ZNF568: variants seen among roughly 807,000 people sequenced by gnomAD.
The protein encoded by ZNF568 is p53 inhibitor of SCO2 activation.
A neutral mutation model predicts 18.1 loss-of-function variants in ZNF568; 11 were observed. The observed-to-expected ratio is 0.61, with a 90% CI of 0.38 to 1.00. ZNF568 has a LOEUF of 1.00. Among genes scored for constraint, ZNF568 ranks in the 50% least tolerant of loss-of-function variants. The probability of loss-of-function intolerance (pLI) is 0.01; values close to 1 mark genes in which losing one functional copy is unlikely to be tolerated. For missense variants in ZNF568, 639 were observed against 768.2 expected, an observed-to-expected ratio of 0.83 and a Z score of 1.99; for synonymous variants, 213 against 246.6, an observed-to-expected ratio of 0.86 and a Z score of 1.28.
At chr19:36,954,715 C>T (rs1057493002), downstream of ZNF568, among the ~76,000 whole-genome samples, 3 of 151,402 alleles carry the variant, frequency 2.0e-5, no homozygotes, top group Non-Finnish European at 4.4e-5. Flanking sequence ...ACCACAGGTG[C>T]GTGCCACCAT....
At chr19:36,995,725 G>T (rs1007038758) in intron 4 of ZNF568, among the ~76,000 whole-genome samples, 1 of 151,312 alleles carries the variant, frequency 6.6e-6, no homozygotes, top group Non-Finnish European at 1.5e-5. Flanking sequence ...CTTAGTGGTC[G>T]CCTTCAAGAT....
At chr19:36,959,884 T>C (rs143200808) in intron 6 of ZNF568, among the ~76,000 whole-genome samples, 209 of 152,222 alleles carry the variant, frequency 1.4e-3, no homozygotes, top group African/African-American at 4.8e-3. Context: ...TATTTGGGTA[T>C]TCTCTCTTCT....
intron 3 of ZNF568, among the ~76,000 whole-genome samples, chr19:36,924,101 G>C (rs1224013583): frequency 6.6e-6 from 1 of 152,006 alleles, no homozygotes; most frequent in African/African-American, 2.4e-5. Flanking sequence ...GAATTTTTTA[G>C]GGTAAAAAAT....
chr19:36,951,170 G>T lies in ZNF568; in HGVS notation c.*82G>T, dbSNP rs1054276712. ...GCTCAAAAAAGCCAGGATCTTTATGGAAAAATTTTAATACTTTGTTAAAAG... is the reference window on the plus strand; with the variant it reads ...GCTCAAAAAAGCCAGGATCTTTATGTAAAAATTTTAATACTTTGTTAAAAG... On this transcript the variant is annotated 3_prime_UTR_variant, in exon 7 of 7. Coordinates refer to ENST00000333987, the MANE Select transcript of ZNF568 (RefSeq NM_198539.4). 16 of 1,369,880 alleles carry T rather than the reference G, an allele frequency of 1.2e-5. No homozygotes were observed. The African/African-American group carries it at 1.9e-4, about 16-fold the overall frequency. 84.9% of individuals were successfully genotyped at this position (1,369,880 alleles called of 1,614,324 possible).
At chr19:36,931,743 T>C (rs1187191920) in intron 4 of ZNF568, 1 of 152,178 alleles carries the variant, frequency 6.6e-6, no homozygotes, top group East Asian at 1.9e-4. Context: ...AACATATAAG[T>C]CACATACTAT....
chr19:36,997,701 A>G (rs372269638), downstream of ZNF568: 26 of 866,972 alleles, frequency 3.0e-5, no homozygotes, highest in Non-Finnish European at 4.5e-5. Flanking sequence ...GAATTCATTC[A>G]GGACAGAGGA....
At chr19:36,937,731 C>G (rs2073814370) in intron 6 of ZNF568, among the ~76,000 whole-genome samples, 1 of 152,120 alleles carries the variant, frequency 6.6e-6, no homozygotes, top group South Asian at 2.1e-4. Flanking sequence ...TGCTTCACAA[C>G]CCTCACAATC....
At chr19:36,968,743 T>C (rs1258150472) in intron 6 of ZNF568, among the ~76,000 whole-genome samples, 2 of 151,692 alleles carry the variant, frequency 1.3e-5, no homozygotes, top group Non-Finnish European at 2.9e-5. Context: ...AAAACATGTT[T>C]AGTACTGAAG....
intron 4 of ZNF568, among the ~76,000 whole-genome samples, chr19:36,932,310 C>T (rs552055035): frequency 3.3e-5 from 5 of 152,224 alleles, no homozygotes; most frequent in Middle Eastern, 3.4e-3. Flanking sequence ...CACTGTTAGC[C>T]GAGTGCAATG....
intron 6 of ZNF568, among the ~76,000 whole-genome samples, chr19:36,945,078 A>G (rs779779588): frequency 6.6e-6 from 1 of 151,854 alleles, no homozygotes; most frequent in Non-Finnish European, 1.5e-5. Flanking sequence ...TTTTATTGTC[A>G]GAACTCTAAA....
At chr19:36,962,125 T>G (rs999052242) in intron 6 of ZNF568, among the ~76,000 whole-genome samples, 5 of 150,628 alleles carry the variant, frequency 3.3e-5, no homozygotes, top group South Asian at 2.1e-4. Flanking sequence ...TTTTATGTTT[T>G]TTTTTTTTTT....
intron 6 of ZNF568, among the ~76,000 whole-genome samples, chr19:36,938,827 T>C (rs79828406): frequency 1.9e-3 from 296 of 152,324 alleles, no homozygotes; most frequent in Non-Finnish European, 3.0e-3. Context: ...CTTTAAAGCT[T>C]AAGTGGCTTT....
At chr19:36,961,138 A>C (rs527372057) in intron 6 of ZNF568, among the ~76,000 whole-genome samples, 57 of 152,092 alleles carry the variant, frequency 3.7e-4, no homozygotes, top group Non-Finnish European at 7.4e-4. Flanking sequence ...TTATTATTGT[A>C]ATGCAGTCTC....
intron 4 of ZNF568, chr19:36,931,591 C>G (rs1395376078): frequency 6.6e-6 from 1 of 151,992 alleles, no homozygotes; most frequent in Non-Finnish European, 1.5e-5. Context: ...TGTTCTCGAA[C>G]TCCTGGCCTC....
Position 36,936,753 on chromosome 19 carries a change from T to C in ZNF568, c.143T>C (p.Val48Ala). ...AGCATTATGTTTTTACAGGAAACAG[T>C]GACATTTAAGGATGTGGCTGTTGAC... Reference protein sequence around the residue: ...EEDTTRPLETVTFKDVAVDLT... With the variant: ...EEDTTRPLETATFKDVAVDLT... The change falls in exon 5 of 7, where the codon GTG becomes GCG. Residue 48 changes from valine (V) to alanine (A), a missense_variant. Transcript: ENST00000333987. 7 of 1,611,522 alleles carry C rather than the reference T, an allele frequency of 4.3e-6. No individual in the cohort carries two copies. The highest frequency in any genetic ancestry group is 5.1e-6 in the Non-Finnish European group (6 of 1,178,448).
At chr19:36,997,196 C>T (rs1380201354) in exon 5 of ZNF568, 4 of 1,607,186 alleles carry the variant, frequency 2.5e-6, no homozygotes, top group Non-Finnish European at 3.4e-6. Flanking sequence ...AGAATTCATA[C>T]TGGTGAGAAA....
chr19:36,926,449 G>A (rs543042242), intron 4 of ZNF568, among the ~76,000 whole-genome samples: 1 of 152,258 alleles, frequency 6.6e-6, no homozygotes, highest in East Asian at 1.9e-4. Context: ...ACAGGCTTGA[G>A]TTTAAATCTT....
At chr19:36,961,396 T>C (rs2074148769) in intron 6 of ZNF568, among the ~76,000 whole-genome samples, 1 of 152,064 alleles carries the variant, frequency 6.6e-6, no homozygotes, top group South Asian at 2.1e-4. Flanking sequence ...CCTTTTACTT[T>C]CAGTCTATAT....
At chr19:36,929,062 A>T (rs75561733) in intron 4 of ZNF568, among the ~76,000 whole-genome samples, 2,070 of 152,268 alleles carry the variant, frequency 0.014, 56 homozygotes, top group African/African-American at 0.047. Context: ...AAAGAATGTC[A>T]TGTGCCATGC....
Sources: allele counts gnomAD v4.1 joint callset (sites outside exome capture counted in the v4.1 genomes callset), GRCh38; gene constraint gnomAD v4.1.1; transcripts MANE v1.5; gene names NCBI Gene and HGNC (gene_info 2026-07-23, HGNC 2026-07-21).